PRKDC: variants seen among roughly 807,000 people sequenced by gnomAD.
The protein encoded by PRKDC is protein kinase, DNA-activated, catalytic subunit, also known as DNA-dependent protein kinase catalytic subunit.
Under a neutral mutation model 486.9 loss-of-function variants are expected in PRKDC, and 82 were observed. The observed-to-expected ratio is 0.17, with a 90% CI of 0.14 to 0.20. PRKDC has a LOEUF of 0.20. PRKDC is among the 10% of genes least tolerant of loss of function. PRKDC has a pLI of 1.00. For synonymous variants in PRKDC, 1,895 were observed against 1,837.0 expected, an observed-to-expected ratio of 1.03 and a Z score of -0.81; for missense variants, 4,504 against 5,038.2, an observed-to-expected ratio of 0.89 and a Z score of 3.21.
chr8:47,852,731 T>C lies in PRKDC; in HGVS notation c.6947A>G (p.Tyr2316Cys), dbSNP rs1589743014. The stretch of plus-strand genomic sequence containing the variant: ...TCCTAGAACTTCTGCTGCAGCGGCA[T>C]ACACTTCTTTATATCTTACAAAGGA... ...NMSFVRYKEV[Y>C]AAAAEVLGLI... Residue 2316 changes from tyrosine (Y) to cysteine (C), a missense_variant, in exon 52 of 86, where the codon TAT becomes TGT. By Grantham distance (194) the Tyr-to-Cys change is radical. Coordinates refer to ENST00000314191, the MANE Select transcript of PRKDC (RefSeq NM_006904.7). 6.3e-7 allele frequency: 1 copy of C among 1,580,810 alleles called. No individual in the cohort carries two copies. Among genetic ancestry groups the C allele is most frequent in the Non-Finnish European group, 8.6e-7 (1 of 1,161,622 alleles).
chr8:47,826,836 A>G lies in PRKDC; in HGVS notation c.8603T>C (p.Leu2868Pro). The part of the protein sequence containing the change: ...IQDISCQHAA[L>P]LSLDPAAVSA... ...AACAGCCGCTGGGTCGAGGCTCAGCAGGGCTGCGTGCTGACAGCTAATGTC... is the reference window on the plus strand; with the variant it reads ...AACAGCCGCTGGGTCGAGGCTCAGCGGGGCTGCGTGCTGACAGCTAATGTC... Residue 2868 changes from leucine to proline, a missense_variant, in exon 63 of 86, where the codon CTG (leucine) becomes CCG (proline). By Grantham distance (98) the Leu-to-Pro change is moderately conservative. Around this residue, in one of 6 missense-constraint regions of PRKDC, gnomAD observed 1,592 missense variants for 1,724.6 expected, o/e 0.92. Coordinates refer to ENST00000314191, the MANE Select transcript of PRKDC (RefSeq NM_006904.7). The G allele has an allele frequency of 6.3e-7, 1 of 1,593,436 alleles. No individual in the cohort carries two copies. Among genetic ancestry groups the G allele is most frequent in the Non-Finnish European group, 8.6e-7 (1 of 1,168,186 alleles).
rs11369602 is a variant in PRKDC, at chr8:47,824,468, C to CAAA, written c.8784-475_8784-473dup. 5.4e-3 allele frequency among the ~76,000 whole-genome samples: 202 copies of CAAA among 37,100 alleles called. 2 individuals carry two copies. Among genetic ancestry groups the CAAA allele is most frequent in the South Asian group, 0.037 (23 of 618 alleles). The allele number at this position is 37,100 out of a possible 152,430, so 24.3% of individuals were successfully genotyped here. A position where few individuals can be genotyped will look rare whatever the true frequency, so the allele number is the denominator to read the frequency against. On this transcript the variant is annotated intron_variant, in intron 63 of 85. Coordinates refer to ENST00000314191, the MANE Select transcript of PRKDC (RefSeq NM_006904.7). ...CCTGGGCAACAGCAAGACTCCGCCT[C>CAAA]AAAAAAAAAAAAAAAAAAAAAAAAA...
chr8:47,784,410 GAC>G (rs2086756309), intron 77 of PRKDC, among the ~76,000 whole-genome samples: 1 of 152,174 alleles, frequency 6.6e-6, no homozygotes, highest in Non-Finnish European at 1.5e-5. Flanking sequence ...TGACAAGGCT[GAC>G]ATTTAAATGT....
chr8:47,879,770 A>C, intron 38 of PRKDC, 112 bp from the exon 39 acceptor site: 1 of 838,420 alleles, frequency 1.2e-6, no homozygotes, highest in Non-Finnish European at 1.7e-6. Context: ...GGAATCAATG[A>C]ATGGCTTCAC....
rs756873491 is a variant in PRKDC, at chr8:47,893,318, G to T, written c.3668C>A (p.Thr1223Asn). The change falls in exon 31 of 86, where the codon ACC becomes AAC. Residue 1223 changes from threonine (T) to asparagine (N), a missense_variant. Transcript: ENST00000314191. ...CTGGCCACAGCCACCCCCCTCAAAGGTGTTGATGAGAAAAGAGACACCTTC... is the reference window on the plus strand; with the variant it reads ...CTGGCCACAGCCACCCCCCTCAAAGTTGTTGATGAGAAAAGAGACACCTTC... ...KEEGVSFLIN[T>N]FEGGGCGQPS... 1.9e-6 allele frequency: 3 copies of T among 1,595,990 alleles called. No individual in the cohort carries two copies. Among genetic ancestry groups the T allele is most frequent in the Non-Finnish European group, 2.6e-6 (3 of 1,166,886 alleles).
chr8:47,793,663 ATAAAT>A (rs1322472414), intron 74 of PRKDC, among the ~76,000 whole-genome samples: 1 of 148,156 alleles, frequency 6.7e-6, no homozygotes, highest in East Asian at 1.9e-4. Flanking sequence ...AAAAATAAAA[ATAAAT>A]TAATTTAAAA....
chr8:47,898,765 C>A (rs1465184648), intron 28 of PRKDC, among the ~76,000 whole-genome samples, 196 bp from the exon 29 acceptor site: 1 of 152,082 alleles, frequency 6.6e-6, no homozygotes, highest in Non-Finnish European at 1.5e-5. Context: ...AACACAAAAC[C>A]CCTATTTAAG....
rs62539155 is a variant in PRKDC, at chr8:47,779,870, G to C, written c.11490-777C>G. ...CCCAAAGTGCTGGGATTACAGGTGT[G>C]AGCCACCACGCCTGGCCTCTTTTTC... On this transcript the variant is annotated intron_variant, in intron 80 of 85. Coordinates refer to ENST00000314191, the MANE Select transcript of PRKDC (RefSeq NM_006904.7). 4.9e-3 allele frequency among the ~76,000 whole-genome samples: 728 copies of C among 148,994 alleles called. 5 individuals carry two copies. The East Asian group carries it at 0.056, about 12-fold the overall frequency.
intron 59 of PRKDC, among the ~76,000 whole-genome samples, chr8:47,832,167 C>G (rs1021913754): frequency 2.6e-5 from 4 of 152,264 alleles, no homozygotes; most frequent in Admixed American, 2.0e-4. Context: ...ACGCAGCCAC[C>G]TTCTGAACCC....
intron 68 of PRKDC, among the ~76,000 whole-genome samples, chr8:47,814,803 C>T (rs1347410080): frequency 6.6e-6 from 1 of 152,132 alleles, no homozygotes; most frequent in Admixed American, 6.5e-5. Flanking sequence ...TTTCTTTATA[C>T]AAATTGACAA....
intron 25 of PRKDC, 36 bp downstream of exon 25, chr8:47,912,374 G>A (rs2089918539): frequency 6.8e-7 from 1 of 1,473,534 alleles, no homozygotes; most frequent in East Asian, 2.5e-5. Context: ...CAAACTTTTA[G>A]AAATTTTACA....
At chr8:47,920,220 A>C (rs1047109993) in intron 21 of PRKDC, among the ~76,000 whole-genome samples, 12 of 151,604 alleles carry the variant, frequency 7.9e-5, no homozygotes, top group African/African-American at 2.7e-4. Context: ...ACCACTCCAC[A>C]CTCTATATTT....
intron 76 of PRKDC, among the ~76,000 whole-genome samples, chr8:47,787,106 C>G (rs1389708247): frequency 1.3e-5 from 2 of 152,090 alleles, no homozygotes; most frequent in East Asian, 3.8e-4. Context: ...TTAGCTTCTA[C>G]TCAGATATTT....
In PRKDC at chr8:47,940,247, CTTAAA is replaced by C. The variant is rs1170797958; in HGVS notation, c.967-555_967-551del. On this transcript the variant is annotated intron_variant, in intron 10 of 85. Coordinates refer to ENST00000314191, the MANE Select transcript of PRKDC (RefSeq NM_006904.7). ...AAAAAATAAGCTACAAACTATAAAG[CTTAAA>C]TTAAGTGATGCAAGGGGAAAATGTC... Among the ~76,000 whole-genome samples, 16 of 152,156 alleles carry C rather than the reference CTTAAA, an allele frequency of 1.1e-4. 1 individual carries two copies. Among genetic ancestry groups the C allele is most frequent in the Admixed American group, 1.0e-3 (16 of 15,274 alleles).
At chr8:47,938,374 G>A (rs1228982834) in intron 11 of PRKDC, among the ~76,000 whole-genome samples, 3 of 146,784 alleles carry the variant, frequency 2.0e-5, no homozygotes, top group Non-Finnish European at 3.0e-5. Flanking sequence ...TCATGCCATC[G>A]CACTCCAGCC....
chr8:47,848,968 C>G (rs2088338002), intron 54 of PRKDC, among the ~76,000 whole-genome samples, 186 bp downstream of exon 54: 1 of 152,220 alleles, frequency 6.6e-6, no homozygotes, highest in East Asian at 1.9e-4. Context: ...GCCAAGGGAG[C>G]AGAGAGCAGG....
chr8:47,846,893 A>C (rs2088278288), intron 54 of PRKDC, among the ~76,000 whole-genome samples: 1 of 152,224 alleles, frequency 6.6e-6, no homozygotes, highest in South Asian at 2.1e-4. Flanking sequence ...CAAGAATGTA[A>C]GCCTATTTAC....
In PRKDC at chr8:47,900,464, T is replaced by C. The variant is rs2089658837; in HGVS notation, c.3273A>G (p.Glu1091=). 1 of 1,603,990 alleles carries C rather than the reference T, an allele frequency of 6.2e-7. No individual in the cohort carries two copies. Among genetic ancestry groups the C allele is most frequent in the South Asian group, 1.1e-5 (1 of 88,912 alleles). ...CAAACTGTTCCACCAGAGACTCTTC[T>C]TCCCTGTAAAATAAAGAATAGGAAA... The part of the protein sequence containing the change: ...AFNNIYREFR[E]EESLVEQFVF... The change falls in exon 28 of 86, where the codon GAA becomes GAG. Residue 1091 remains glutamate (E), a synonymous_variant. Transcript: ENST00000314191.
At chr8:47,789,382 TATC>T (rs2086848558) in intron 74 of PRKDC, 144 bp from the exon 75 acceptor site, 1 of 232,776 alleles carries the variant, frequency 4.3e-6, no homozygotes, top group Non-Finnish European at 7.9e-6. Context: ...AATTTATACA[TATC>T]ATATATATAT....
Sources: gnomAD v4.1 joint callset for allele counts (sites outside exome capture counted in the v4.1 genomes callset) on GRCh38, gnomAD v4.1.1 for gene constraint, gnomAD v4.1.1 regional missense constraint, MANE v1.5 for transcripts, NCBI Gene and HGNC (gene_info 2026-07-23, HGNC 2026-07-21) for gene names.